PI4KA: variants seen among roughly 807,000 people sequenced by gnomAD.
PI4KA encodes phosphatidylinositol 4-kinase alpha.
In PI4KA, 122 loss-of-function variants were observed where a neutral mutation model predicts 271.4. That is an observed-to-expected ratio of 0.45 (90% CI 0.39 to 0.52). The LOEUF (loss-of-function observed/expected upper bound fraction) is 0.52. PI4KA is among the 20% of genes least tolerant of loss of function. The pLI, the probability that PI4KA is intolerant of heterozygous loss-of-function variation, is 0.00. For synonymous variants in PI4KA, 1,041 were observed against 1,078.8 expected (o/e 0.96, Z 0.69); for missense variants, 1,969 against 2,769.1 (o/e 0.71, Z 6.48).
At chr22:20,740,491 T>C (rs1231969218) in intron 32 of PI4KA, among the ~76,000 whole-genome samples, 2 of 150,516 alleles carry the variant, frequency 1.3e-5, no homozygotes, top group Non-Finnish European at 3.0e-5. Context: ...GACAAAGAAA[T>C]ACTGACCTCA....
intron 42 of PI4KA, chr22:20,726,267 C>T (rs1927335575): frequency 2.2e-6 from 1 of 447,850 alleles, no homozygotes; most frequent in Admixed American, 4.6e-5. Context: ...AACCGGCTCG[C>T]TCCACAGAGC....
chr22:20,729,796 G>A (rs1927798037), intron 37 of PI4KA, 85 bp from the exon 38 acceptor site: 1 of 1,582,416 alleles, frequency 6.3e-7, no homozygotes, highest in East Asian at 2.3e-5. Context: ...AGCTTGCAGT[G>A]CTCTGTTCTG....
rs199713731 is a variant in PI4KA at position 20,742,749 on chromosome 22, G to A, written c.3472C>T (p.Arg1158Trp). ...RYAGEVYGMIRFSGTTGQMSD... is the reference protein window; with the variant it reads ...RYAGEVYGMIWFSGTTGQMSD... ...ATCTGGCCTGTGGTGCCTGAGAACC[G>A]AATCATTCCATACACCTGCAAAAAC... The change falls in exon 31 of 55, where the codon CGG becomes TGG. Residue 1158 changes from arginine to tryptophan, a missense_variant. Physicochemically the swap from Arg to Trp is moderately radical, Grantham distance 101. This residue lies in a region of PI4KA where 203 missense variants were observed against 256.8 expected (regional missense o/e 0.79). Coordinates refer to ENST00000255882, the MANE Select transcript of PI4KA (RefSeq NM_058004.4). 7.4e-6 allele frequency: 12 copies of A among 1,613,928 alleles called. No individual in the cohort carries two copies. The highest frequency in any genetic ancestry group is 1.6e-4 in the Middle Eastern group (1 of 6,062).
chr22:20,806,704 T>A (rs1601540292), intron 10 of PI4KA, among the ~76,000 whole-genome samples: 1 of 152,000 alleles, frequency 6.6e-6, no homozygotes, highest in East Asian at 1.9e-4. Flanking sequence ...CATTAACAGA[T>A]TACATGTATT....
chr22:20,754,296 C>T (rs975457744), intron 23 of PI4KA, among the ~76,000 whole-genome samples: 20 of 151,590 alleles, frequency 1.3e-4, no homozygotes, highest in African/African-American at 4.8e-4. Context: ...ACTATGTAGC[C>T]CAGGCTGGTC....
Position 20,742,317 on chromosome 22 carries a change from G to A in PI4KA, c.3652C>T (p.Pro1218Ser), listed in dbSNP as rs199961373. 1 of 1,614,168 alleles carries A rather than the reference G, an allele frequency of 6.2e-7. No homozygotes were observed. Among genetic ancestry groups the A allele is most frequent in the African/African-American group, 1.3e-5 (1 of 75,048 alleles). The change falls in exon 32 of 55, where the codon CCC becomes TCC. Residue 1218 changes from proline (P) to serine (S), a missense_variant. Transcript: ENST00000255882. ...PQLLHHLCWGPLRMFNEHGME... is the reference protein window; with the variant it reads ...PQLLHHLCWGSLRMFNEHGME... ...CCATGCTCATTGAACATCCGGAGGG[G>A]ACCCCAGCACAGATGATGAAGGAGC...
chr22:20,807,752 T>C (rs1048308203), intron 9 of PI4KA, among the ~76,000 whole-genome samples: 1 of 152,224 alleles, frequency 6.6e-6, no homozygotes, highest in East Asian at 1.9e-4. Flanking sequence ...TTGGCCATCA[T>C]TGGCCCAGAC....
chr22:20,780,163 C>T (rs1247541437), intron 19 of PI4KA: 4 of 1,614,136 alleles, frequency 2.5e-6, no homozygotes, highest in Non-Finnish European at 3.4e-6. Context: ...ATAGACCCTG[C>T]TACCCAGATG....
Position 20,742,685 on chromosome 22 carries a change from G to A in PI4KA, c.3536C>T (p.Ser1179Leu). 6.2e-7 allele frequency: 1 copy of A among 1,614,068 alleles called. No homozygotes were observed. The highest frequency in any genetic ancestry group is 1.1e-5 in the South Asian group (1 of 91,084). Residue 1179 changes from serine to leucine, a missense_variant, in exon 31 of 55, where the codon TCA (serine) becomes TTA (leucine). Transcript: ENST00000255882. Reference sequence around the variant, plus strand: ...CTGAGGATGACTGCGGTCTAAAGCTGAATGTAGATCCTGGACCATCATTTT... The same window carrying A: ...CTGAGGATGACTGCGGTCTAAAGCTAAATGTAGATCCTGGACCATCATTTT... The part of the protein sequence containing the change: ...LNKMMVQDLH[S>L]ALDRSHPQHY...
chr22:20,814,987 T>A (rs894107675), intron 7 of PI4KA, among the ~76,000 whole-genome samples: 3 of 152,022 alleles, frequency 2.0e-5, no homozygotes, highest in African/African-American at 7.2e-5. Flanking sequence ...CGAGACCCTG[T>A]CTCTACATAA....
chr22:20,798,704 T>C lies in PI4KA; in HGVS notation c.2005-17A>G. On this transcript the variant is annotated splice_polypyrimidine_tract_variant and intron_variant, in intron 16 of 54. Transcript: ENST00000255882. ...GATGTATTGCTGGGAGAGAGCAAGA[T>C]GCACTGTCACCATGCAGGATGCCCT... 1.3e-6 allele frequency: 2 copies of C among 1,539,096 alleles called. No homozygotes were observed. Among genetic ancestry groups the C allele is most frequent in the Non-Finnish European group, 1.8e-6 (2 of 1,111,690 alleles).
At chr22:20,743,679 G>A (rs924826231) in intron 30 of PI4KA, among the ~76,000 whole-genome samples, 1 of 152,136 alleles carries the variant, frequency 6.6e-6, no homozygotes, top group South Asian at 2.1e-4. Flanking sequence ...GAACATACAA[G>A]TGACAGAGTG....
chr22:20,800,826 A>G (rs1300667155), intron 14 of PI4KA, among the ~76,000 whole-genome samples: 2 of 147,426 alleles, frequency 1.4e-5, no homozygotes, highest in East Asian at 4.3e-4. Context: ...GTGAGCTGAG[A>G]TCGCGCCACT....
At chr22:20,827,465 G>C (rs1923571189) in intron 3 of PI4KA, among the ~76,000 whole-genome samples, 1 of 152,104 alleles carries the variant, frequency 6.6e-6, no homozygotes, top group African/African-American at 2.4e-5. Flanking sequence ...TAGTAGAGGT[G>C]AAGTTTGAAG....
intron 39 of PI4KA, 34 bp downstream of exon 39, chr22:20,729,279 G>A: frequency 6.3e-7 from 1 of 1,590,712 alleles, no homozygotes. Context: ...CCTCTGGTGA[G>A]GCCTGTGTCA....
Position 20,853,487 on chromosome 22 carries a change from T to G in PI4KA, c.156+5083A>C, listed in dbSNP as rs150499685. Reference sequence around the variant, plus strand: ...GAGGAGTCTGGAAGCCAACTGTATATGGAGATCCCAATGTTGAAAAGCCTC... The same window carrying G: ...GAGGAGTCTGGAAGCCAACTGTATAGGGAGATCCCAATGTTGAAAAGCCTC... On this transcript the variant is annotated intron_variant, in intron 1 of 54. Coordinates refer to ENST00000255882, the MANE Select transcript of PI4KA (RefSeq NM_058004.4). Among the ~76,000 whole-genome samples the G allele has an allele frequency of 3.4e-3, 511 of 152,322 alleles. 5 individuals are homozygous for G. The highest frequency in any genetic ancestry group is 0.012 in the African/African-American group (487 of 41,578).
intron 10 of PI4KA, among the ~76,000 whole-genome samples, chr22:20,805,692 CGTG>C (rs925033637): frequency 2.6e-5 from 4 of 151,682 alleles, no homozygotes; most frequent in African/African-American, 9.7e-5. Context: ...ATTAGCCGGG[CGTG>C]GTGGTGGGCG....
rs533513163 is a variant in PI4KA, at chr22:20,787,740, T to C, written c.2328+5453A>G. Reference sequence around the variant, plus strand: ...ACTGTGTATCTGTTATAATTCTCTATTTTTTGAAGCTCAAATATCAAAAGC... The same window carrying C: ...ACTGTGTATCTGTTATAATTCTCTACTTTTTGAAGCTCAAATATCAAAAGC... On this transcript the variant is annotated intron_variant, in intron 19 of 54. Coordinates refer to ENST00000255882, the MANE Select transcript of PI4KA (RefSeq NM_058004.4). The C allele has an allele frequency of 2.6e-3, 407 of 154,430 alleles. 11 individuals carry two copies. In the South Asian group the frequency reaches 0.041, roughly 15 times the overall value. 9.6% of individuals were successfully genotyped at this position (154,430 alleles called of 1,614,324 possible). A position where few individuals can be genotyped will look rare whatever the true frequency, so the allele number is the denominator to read the frequency against.
chr22:20,786,578 G>A (rs1323451664), intron 19 of PI4KA, among the ~76,000 whole-genome samples: 5 of 152,196 alleles, frequency 3.3e-5, no homozygotes, highest in East Asian at 1.9e-4. Flanking sequence ...TCCCCATCCC[G>A]GAGAAGTGCG....
Sources: gnomAD v4.1 joint callset for allele counts (sites outside exome capture counted in the v4.1 genomes callset) on GRCh38, gnomAD v4.1.1 for gene constraint, gnomAD v4.1.1 regional missense constraint, MANE v1.5 for transcripts, NCBI Gene and HGNC (gene_info 2026-07-23, HGNC 2026-07-21) for gene names.